The following SLC16A10 variants were observed in gnomAD, a reference collection of about 807,000 sequenced individuals.
The protein encoded by SLC16A10 is solute carrier family 16 member 10.
A neutral mutation model predicts 40.0 loss-of-function variants in SLC16A10; 27 were observed. That is an observed-to-expected ratio of 0.67 (90% CI 0.50 to 0.93). The LOEUF is 0.93. Among genes scored for constraint, SLC16A10 ranks in the 40% least tolerant of loss-of-function variants. The pLI, the probability that SLC16A10 is intolerant of heterozygous loss-of-function variation, is 0.00. For synonymous variants in SLC16A10, 213 were observed against 249.8 expected (o/e 0.85, Z 1.39); for missense variants, 529 against 658.2 (o/e 0.80, Z 2.15).
chr6:111,123,921 A>AT (rs1771626030), intron 1 of SLC16A10, among the ~76,000 whole-genome samples: 1 of 152,104 alleles, frequency 6.6e-6, no homozygotes, highest in African/African-American at 2.4e-5. Flanking sequence ...TCCTTTTAAA[A>AT]TTTTCAAGAA....
chr6:111,222,367 A>G lies in SLC16A10; in HGVS notation c.*132A>G, dbSNP rs1371027432. The G allele has an allele frequency of 2.5e-6, 3 of 1,200,562 alleles. No homozygotes were observed. Among genetic ancestry groups the G allele is most frequent in the Non-Finnish European group, 3.3e-6 (3 of 905,110 alleles). The allele number at this position is 1,200,562 out of a possible 1,614,324, so 74.4% of individuals were successfully genotyped here. A position where few individuals can be genotyped will look rare whatever the true frequency, so the allele number is the denominator to read the frequency against. On this transcript the variant is annotated 3_prime_UTR_variant, in exon 6 of 6. Coordinates refer to ENST00000368851, the MANE Select transcript of SLC16A10 (RefSeq NM_018593.5). ...GAATAGCACAATAATTGGGAAATAG[A>G]ACCCTTATCACTAGAAGAACCATTT...
chr6:111,097,415 GA>G (rs911696485), intron 1 of SLC16A10, among the ~76,000 whole-genome samples: 1 of 151,968 alleles, frequency 6.6e-6, no homozygotes, highest in African/African-American at 2.4e-5. Flanking sequence ...GGGTTCAAGC[GA>G]TTTTCGTGTC....
At chr6:111,124,072 G>A (rs1215142342) in intron 1 of SLC16A10, among the ~76,000 whole-genome samples, 1 of 152,100 alleles carries the variant, frequency 6.6e-6, no homozygotes, top group African/African-American at 2.4e-5. Flanking sequence ...ATACTCTGAG[G>A]TCCTAGGAGA....
At chr6:111,101,032 A>G (rs913348340) in intron 1 of SLC16A10, among the ~76,000 whole-genome samples, 3 of 142,220 alleles carry the variant, frequency 2.1e-5, no homozygotes, top group South Asian at 2.2e-4. Context: ...ATATGTATAT[A>G]TATTTTTTCT....
chr6:111,101,797 T>A (rs937434754), intron 1 of SLC16A10, among the ~76,000 whole-genome samples: 1 of 152,110 alleles, frequency 6.6e-6, no homozygotes, highest in African/African-American at 2.4e-5. Flanking sequence ...ATTTTTGTAT[T>A]CTTAGTAGAG....
chr6:111,216,278 A>C (rs354526), intron 4 of SLC16A10, among the ~76,000 whole-genome samples: 119,674 of 152,126 alleles, frequency 0.79, 47,847 homozygotes, highest in Non-Finnish European at 0.87. Context: ...GCTGTCATGG[A>C]AGTTGCATTG....
At chr6:111,181,474 AAGG>A (rs1772790418) in intron 3 of SLC16A10, among the ~76,000 whole-genome samples, 1 of 152,206 alleles carries the variant, frequency 6.6e-6, no homozygotes, top group Non-Finnish European at 1.5e-5. Flanking sequence ...TAAATTTTGA[AAGG>A]AGAAAGATAA....
At chr6:111,178,718 T>C (rs186350383) in intron 3 of SLC16A10, 1 of 210,012 alleles carries the variant, frequency 4.8e-6, no homozygotes, top group Admixed American at 6.1e-5. Flanking sequence ...CATATTTGTA[T>C]GTTTGTGAAC....
intron 1 of SLC16A10, among the ~76,000 whole-genome samples, chr6:111,088,906 A>G (rs1471769192): frequency 2.6e-5 from 4 of 152,060 alleles, no homozygotes. Context: ...ACTTTAACAT[A>G]AATTCTTTCA....
intron 1 of SLC16A10, among the ~76,000 whole-genome samples, chr6:111,160,185 A>AT (rs1177198008): frequency 6.6e-6 from 1 of 152,140 alleles, no homozygotes; most frequent in Non-Finnish European, 1.5e-5. Flanking sequence ...TAGGTTTTTC[A>AT]TGTTATATCT....
chr6:111,180,464 G>A (rs553937488), intron 3 of SLC16A10, among the ~76,000 whole-genome samples: 7 of 152,310 alleles, frequency 4.6e-5, no homozygotes, highest in Admixed American at 1.3e-4. Flanking sequence ...TGGAAGGATC[G>A]CATGAGCCCA....
intron 3 of SLC16A10, among the ~76,000 whole-genome samples, chr6:111,203,873 C>T (rs1322909222): frequency 6.6e-6 from 1 of 151,786 alleles, no homozygotes; most frequent in Non-Finnish European, 1.5e-5. Flanking sequence ...TTAAGGATTA[C>T]AAAGTAGAGC....
At chr6:111,092,792 C>A (rs1458286204) in intron 1 of SLC16A10, among the ~76,000 whole-genome samples, 1 of 151,386 alleles carries the variant, frequency 6.6e-6, no homozygotes, top group African/African-American at 2.4e-5. Context: ...GTAATCCCAG[C>A]CCTTTGGGAG....
intron 1 of SLC16A10, among the ~76,000 whole-genome samples, chr6:111,169,941 G>A (rs1583341482): frequency 8.5e-6 from 1 of 118,202 alleles, no homozygotes; most frequent in Non-Finnish European, 1.7e-5. Context: ...TTTTGAGACA[G>A]AATCTCACTC....
At chr6:111,122,759 G>A (rs1771606856) in intron 1 of SLC16A10, among the ~76,000 whole-genome samples, 1 of 152,160 alleles carries the variant, frequency 6.6e-6, no homozygotes, top group South Asian at 2.1e-4. Flanking sequence ...TGGTGAGGAC[G>A]ATGAGAAGCG....
chr6:111,148,240 T>TA, intron 1 of SLC16A10, among the ~76,000 whole-genome samples: 1 of 152,192 alleles, frequency 6.6e-6, no homozygotes, highest in East Asian at 1.9e-4. Flanking sequence ...CTCTTCTATA[T>TA]AAAAGAGGAT....
chr6:111,141,157 G>A (rs912199050), intron 1 of SLC16A10, among the ~76,000 whole-genome samples: 1 of 152,058 alleles, frequency 6.6e-6, no homozygotes, highest in Non-Finnish European at 1.5e-5. Flanking sequence ...TGATGTTTGG[G>A]TGAATAATAA....
intron 1 of SLC16A10, among the ~76,000 whole-genome samples, chr6:111,122,935 A>G (rs1771610579): frequency 6.6e-6 from 1 of 152,188 alleles, no homozygotes; most frequent in Non-Finnish European, 1.5e-5. Context: ...TTTATTTACT[A>G]CCAGTTCTTC....
At chr6:111,206,541 G>C in intron 3 of SLC16A10, 51 bp from the exon 4 acceptor site, 2 of 1,605,936 alleles carry the variant, frequency 1.2e-6, no homozygotes, top group South Asian at 2.2e-5. Context: ...CCTCAAATTT[G>C]TCAAGTTTTT....
Sources: gnomAD v4.1 joint callset for allele counts (sites outside exome capture counted in the v4.1 genomes callset) on GRCh38, gnomAD v4.1.1 for gene constraint, MANE v1.5 for transcripts, NCBI Gene and HGNC (gene_info 2026-07-23, HGNC 2026-07-21) for gene names.